COL12A1: variants seen among roughly 807,000 people sequenced by gnomAD.
COL12A1 encodes the protein collagen alpha-1(XII) chain.
In COL12A1, 114 loss-of-function variants were observed where a neutral mutation model predicts 349.7. That is an observed-to-expected ratio of 0.33 (90% confidence interval 0.28 to 0.38). The LOEUF is 0.38. Ranked by LOEUF, COL12A1 falls within the 10% of genes least tolerant of loss-of-function variation. The pLI is 1.00. For missense variants in COL12A1, 3,284 were observed against 3,756.9 expected, an observed-to-expected ratio of 0.87 and a Z score of 3.29; for synonymous variants, 1,369 against 1,329.0, an observed-to-expected ratio of 1.03 and a Z score of -0.66.
chr6:75,183,100 T>C lies in COL12A1; in HGVS notation c.1841A>G (p.Gln614Arg), dbSNP rs1202194413. The part of the protein sequence containing the change: ...AFQRISFELT[Q>R]SICLRIEQEL... The stretch of plus-strand genomic sequence containing the variant: ...TTGCTCAATTCTAAGGCAGATAGAC[T>C]GTGTGAGTTCAAAAGATATCCTCTG... Residue 614 changes from glutamine (Q) to arginine (R), a missense_variant, in exon 10 of 66, where the codon CAG (glutamine) becomes CGG (arginine). Physicochemically the swap from Gln to Arg is conservative, Grantham distance 43. Around this residue, in one of 2 missense-constraint regions of COL12A1, gnomAD observed 2,601 missense variants for 2,824.8 expected, o/e 0.92. Transcript: ENST00000322507. The C allele has an allele frequency of 6.2e-7, 1 of 1,614,180 alleles. No homozygotes were observed. The highest frequency in any genetic ancestry group is 1.1e-5 in the South Asian group (1 of 91,062).
At chr6:75,205,173 GA>G (rs1582237616) in intron 1 of COL12A1, among the ~76,000 whole-genome samples, 1 of 150,596 alleles carries the variant, frequency 6.6e-6, no homozygotes, top group African/African-American at 2.4e-5. Flanking sequence ...CCGGAGCTGG[GA>G]AAAGTCCGCC....
chr6:75,130,169 G>C lies in COL12A1; in HGVS notation c.6132C>G (p.Ala2044=). 1 of 1,614,056 alleles carries C rather than the reference G, an allele frequency of 6.2e-7. No homozygotes were observed. The highest frequency in any genetic ancestry group is 8.5e-7 in the Non-Finnish European group (1 of 1,179,974). The change falls in exon 37 of 66, where the codon GCC becomes GCG. Residue 2044 remains alanine (A), a synonymous_variant. Coordinates refer to ENST00000322507, the MANE Select transcript of COL12A1 (RefSeq NM_004370.6). ...FGETTNSLSV[A]WDHADGPVQQ... ...GAACTGGCCCATCAGCATGATCCCA[G>C]GCTACCGAGAGGCTATTGGTTGTTT...
rs752826594 is a variant in COL12A1, at chr6:75,085,783, G to C, written c.*764C>G. 5.0e-6 allele frequency: 1 copy of C among 199,752 alleles called. No individual in the cohort carries two copies. Among genetic ancestry groups the C allele is most frequent in the Non-Finnish European group, 1.1e-5 (1 of 94,822 alleles). 12.4% of individuals were successfully genotyped at this position (199,752 alleles called of 1,614,324 possible). ...GGCTCCTAGAAACTGAACTCGGGGGGTGAAAAGCAACTATCACCAGGTAAT... is the reference window on the plus strand; with the variant it reads ...GGCTCCTAGAAACTGAACTCGGGGGCTGAAAAGCAACTATCACCAGGTAAT... On this transcript the variant is annotated 3_prime_UTR_variant, in exon 66 of 66. Coordinates refer to ENST00000322507, the MANE Select transcript of COL12A1 (RefSeq NM_004370.6).
chr6:75,202,964 G>A, intron 1 of COL12A1, 137 bp from the exon 2 acceptor site: 1 of 585,114 alleles, frequency 1.7e-6, no homozygotes, highest in Non-Finnish European at 3.0e-6. Context: ...AGCACATAAT[G>A]GGCCTATTGT....
chr6:75,188,011 T>C (rs747564861), intron 8 of COL12A1, among the ~76,000 whole-genome samples: 1 of 152,158 alleles, frequency 6.6e-6, no homozygotes, highest in Non-Finnish European at 1.5e-5. Flanking sequence ...AGCCCATCAA[T>C]GTTTAAATCA....
Position 75,151,187 on chromosome 6 carries a change from T to C in COL12A1, c.4101A>G (p.Ile1367Met), listed in dbSNP as rs745813975. The change falls in exon 21 of 66, where the codon ATA (isoleucine) becomes ATG (methionine). Residue 1367 changes from isoleucine (I) to methionine (M), a missense_variant. This residue lies in a region of COL12A1 where 2,601 missense variants were observed against 2,824.8 expected (regional missense o/e 0.92). Coordinates refer to ENST00000322507, the MANE Select transcript of COL12A1 (RefSeq NM_004370.6). ...ACAAATTAATGGTGAGATCATCCAC[T>C]ATCCTGGAGAGTGACTCAAAATCTG... is the stretch of plus-strand genomic sequence containing the variant. The part of the protein sequence containing the change: ...NVADFESLSR[I>M]VDDLTINLCN... 3 of 1,612,238 alleles carry C rather than the reference T, an allele frequency of 1.9e-6. No homozygotes were observed. The highest frequency in any genetic ancestry group is 1.3e-5 in the African/African-American group (1 of 74,760).
rs1768924026 is a variant in COL12A1 at position 75,113,290 on chromosome 6, A to G, written c.7864T>C (p.Phe2622Leu). 6.4e-7 allele frequency: 1 copy of G among 1,558,560 alleles called. No individual in the cohort carries two copies. Among genetic ancestry groups the G allele is most frequent in the East Asian group, 2.4e-5 (1 of 41,674 alleles). ...ACCTCGCCTCTTGTATCCTTGTTAAAGAATGATAACGTCTTGCTAGAAGCT... is the reference window on the plus strand; with the variant it reads ...ACCTCGCCTCTTGTATCCTTGTTAAGGAATGATAACGTCTTGCTAGAAGCT... Reference protein sequence around the residue: ...ADPSSKTLSFFNKDTRGEVQT... With the variant: ...ADPSSKTLSFLNKDTRGEVQT... The change falls in exon 51 of 66, where the codon TTT becomes CTT. Residue 2622 changes from phenylalanine (F) to leucine (L), a missense_variant. This residue lies in a region of COL12A1 where 683 missense variants were observed against 932.1 expected (regional missense o/e 0.73). Transcript: ENST00000322507.
chr6:75,189,664 A>G lies in COL12A1; in HGVS notation c.546T>C (p.Val182=), dbSNP rs764254293. 13 of 1,613,316 alleles carry G rather than the reference A, an allele frequency of 8.1e-6. No homozygotes were observed. In the African/African-American group the frequency reaches 1.1e-4, roughly 13 times the overall value. Residue 182 remains valine, a synonymous_variant, in exon 6 of 66, where the codon GTT becomes GTC. Transcript: ENST00000322507. ...CAGTCCTGGTATCAGAGCTGTATTG[A>G]ACAACTCCAACTCTTGTCTTCTCTT... ...IGEEKTRVGV[V]QYSSDTRTEF...
chr6:75,088,925 C>A (rs1369241719), intron 64 of COL12A1, among the ~76,000 whole-genome samples, 181 bp downstream of exon 64: 1 of 151,524 alleles, frequency 6.6e-6, no homozygotes, highest in Non-Finnish European at 1.5e-5. Flanking sequence ...GGCGTGAACC[C>A]AGGAGGTGGA....
At chr6:75,201,629 G>GA (rs199919591) in intron 2 of COL12A1, among the ~76,000 whole-genome samples, 6,391 of 140,070 alleles carry the variant, frequency 0.046, 393 homozygotes, top group African/African-American at 0.14. Flanking sequence ...TTTCTTTACT[G>GA]AAAAAAAAAA....
intron 2 of COL12A1, among the ~76,000 whole-genome samples, chr6:75,202,417 G>A (rs907182980): frequency 6.6e-6 from 1 of 152,220 alleles, no homozygotes; most frequent in East Asian, 1.9e-4. Flanking sequence ...CCTCTCGGGC[G>A]GCTGGTCCTC....
chr6:75,085,565 A>C lies in COL12A1; in HGVS notation c.*982T>G, dbSNP rs182537848. 1 of 324,408 alleles carries C rather than the reference A, an allele frequency of 3.1e-6. No homozygotes were observed. The highest frequency in any genetic ancestry group is 7.7e-5 in the East Asian group (1 of 12,978). 20.1% of individuals were successfully genotyped at this position (324,408 alleles called of 1,614,324 possible). A position where few individuals can be genotyped will look rare whatever the true frequency, so the allele number is the denominator to read the frequency against. On this transcript the variant is annotated 3_prime_UTR_variant, in exon 66 of 66. Transcript: ENST00000322507. ...TGAAATGGCACTTTCTTAAAAAAAA[A>C]AACCTTCAAAAATCCAGCAGTAAAC...
intron 10 of COL12A1, among the ~76,000 whole-genome samples, chr6:75,182,220 T>C (rs992251573): frequency 3.1e-4 from 46 of 150,314 alleles, no homozygotes; most frequent in Non-Finnish European, 4.1e-4. Flanking sequence ...GACTTTTTAT[T>C]ATTATAATAC....
chr6:75,155,386 T>G (rs1209175345), intron 16 of COL12A1, among the ~76,000 whole-genome samples: 1 of 152,178 alleles, frequency 6.6e-6, no homozygotes, highest in Non-Finnish European at 1.5e-5. Flanking sequence ...AGGGTGTTAT[T>G]GAAAACACCA....
chr6:75,155,687 T>G lies in COL12A1; in HGVS notation c.3418A>C (p.Asn1140His), dbSNP rs1469856184. 6.2e-7 allele frequency: 1 copy of G among 1,608,052 alleles called. No individual in the cohort carries two copies. The highest frequency in any genetic ancestry group is 8.5e-7 in the Non-Finnish European group (1 of 1,178,086). The change falls in exon 16 of 66, where the codon AAC (asparagine) becomes CAC (histidine). Residue 1140 changes from asparagine (N) to histidine (H), a missense_variant. Around this residue, in one of 2 missense-constraint regions of COL12A1, gnomAD observed 2,601 missense variants for 2,824.8 expected, o/e 0.92. Coordinates refer to ENST00000322507, the MANE Select transcript of COL12A1 (RefSeq NM_004370.6). ...LGELVVGPYD[N>H]TVVLEELRAG... Reference sequence around the variant, plus strand: ...CTAAGTTCCTCCAAAACAACTGTGTTGTCATAGGGTCCAACCACTAACTCC... The same window carrying G: ...CTAAGTTCCTCCAAAACAACTGTGTGGTCATAGGGTCCAACCACTAACTCC...
intron 8 of COL12A1, among the ~76,000 whole-genome samples, chr6:75,184,635 G>A (rs1022528593): frequency 2.0e-5 from 3 of 152,180 alleles, no homozygotes; most frequent in African/African-American, 7.2e-5. Context: ...TTAAATGACA[G>A]GTTCTTATAA....
intron 26 of COL12A1, 60 bp downstream of exon 26, chr6:75,143,192 C>A (rs1477207286): frequency 6.3e-7 from 1 of 1,589,756 alleles, no homozygotes; most frequent in Admixed American, 1.7e-5. Flanking sequence ...TGATAAAGTT[C>A]TTTTTTTAAA....
Position 75,183,413 on chromosome 6 carries a change from A to G in COL12A1, c.1528T>C (p.Phe510Leu). 6.2e-7 allele frequency: 1 copy of G among 1,614,198 alleles called. No individual in the cohort carries two copies. The highest frequency in any genetic ancestry group is 2.2e-5 in the East Asian group (1 of 44,884). Residue 510 changes from phenylalanine to leucine, a missense_variant, in exon 10 of 66, where the codon TTC becomes CTC. Transcript: ENST00000322507. Reference protein sequence around the residue: ...VEDIIEAINTFPYRGGSTNTG... With the variant: ...VEDIIEAINTLPYRGGSTNTG... ...TTTGTAGATCCTCCTCTGTAAGGGA[A>G]GGTGTTTATTGCTTCAATTATATCT... is the stretch of plus-strand genomic sequence containing the variant.
rs186255379 is a variant in COL12A1, at chr6:75,138,593, G to T, written c.5098-13C>A. 6.2e-7 allele frequency: 1 copy of T among 1,611,698 alleles called. No homozygotes were observed. Among genetic ancestry groups the T allele is most frequent in the Non-Finnish European group, 8.5e-7 (1 of 1,179,200 alleles). ...CATTTAAGATGGTCTTGGAGAAAGAGGACAAAAACATACCCACGCAAAAGT... is the reference window on the plus strand; with the variant it reads ...CATTTAAGATGGTCTTGGAGAAAGATGACAAAAACATACCCACGCAAAAGT... On this transcript the variant is annotated splice_polypyrimidine_tract_variant and intron_variant, in intron 28 of 65. Coordinates refer to ENST00000322507, the MANE Select transcript of COL12A1 (RefSeq NM_004370.6).
Sources: gnomAD v4.1 joint callset for allele counts (sites outside exome capture counted in the v4.1 genomes callset) on GRCh38, gnomAD v4.1.1 for gene constraint, gnomAD v4.1.1 regional missense constraint, MANE v1.5 for transcripts, NCBI Gene and HGNC (gene_info 2026-07-23, HGNC 2026-07-21) for gene names.